NAA50: variants seen among roughly 807,000 people sequenced by gnomAD.
NAA50 encodes the protein N-alpha-acetyltransferase 50, NatE catalytic subunit.
A neutral mutation model predicts 20.7 loss-of-function variants in NAA50; 7 were observed. The observed-to-expected ratio is 0.34, with a 90% CI of 0.19 to 0.63. The LOEUF is 0.63. Ranked by LOEUF, NAA50 falls within the 30% of genes least tolerant of loss-of-function variation. The pLI is 0.75. For missense variants in NAA50, 111 were observed against 199.1 expected, an observed-to-expected ratio of 0.56 and a Z score of 2.66; for synonymous variants, 54 against 70.6, an observed-to-expected ratio of 0.77 and a Z score of 1.18.
At chr3:113,732,992 G>A (rs1708290107) in intron 1 of NAA50, among the ~76,000 whole-genome samples, 1 of 150,322 alleles carries the variant, frequency 6.7e-6, no homozygotes, top group Non-Finnish European at 1.5e-5. Flanking sequence ...ATGATGTTGA[G>A]TATGTTTTTG....
chr3:113,743,812 T>C (rs556957001), intron 1 of NAA50, among the ~76,000 whole-genome samples: 1 of 152,350 alleles, frequency 6.6e-6, no homozygotes, highest in East Asian at 1.9e-4. Context: ...GCCAGTTATT[T>C]CTAGGGATCT....
intron 4 of NAA50, among the ~76,000 whole-genome samples, chr3:113,722,662 C>A (rs557023595): frequency 3.2e-4 from 48 of 152,124 alleles, no homozygotes; most frequent in Non-Finnish European, 6.8e-4. Context: ...CTGATTTCAT[C>A]CCTGTGACTT....
chr3:113,741,661 C>T (rs1430006106), intron 1 of NAA50, among the ~76,000 whole-genome samples: 1 of 152,138 alleles, frequency 6.6e-6, no homozygotes, highest in Non-Finnish European at 1.5e-5. Flanking sequence ...TTATGATAAA[C>T]AGGGAATATA....
intron 1 of NAA50, among the ~76,000 whole-genome samples, chr3:113,731,817 A>G (rs200588748): frequency 2.0e-5 from 3 of 152,200 alleles, no homozygotes; most frequent in Non-Finnish European, 4.4e-5. Context: ...ATTGCTGAAT[A>G]GTATTCTATT....
rs114386263 is a variant in NAA50 at position 113,727,072 on chromosome 3, G to T, written c.9-2977C>A. On this transcript the variant is annotated intron_variant, in intron 1 of 4. Transcript: ENST00000240922. ...CTACCAAAGTGCTGGGCCTACAGGC[G>T]TGAGCCACTGTGCCTGGCCAAAATA... is the stretch of plus-strand genomic sequence containing the variant. Among the ~76,000 whole-genome samples the T allele has an allele frequency of 8.9e-3, 1,362 of 152,300 alleles. 18 individuals are homozygous for T. Among genetic ancestry groups the T allele is most frequent in the African/African-American group, 0.031 (1,289 of 41,556 alleles).
At chr3:113,740,144 G>A (rs545634569) in intron 1 of NAA50, among the ~76,000 whole-genome samples, 9 of 151,480 alleles carry the variant, frequency 5.9e-5, no homozygotes, top group Non-Finnish European at 7.4e-5. Context: ...ATTTACAAGG[G>A]GAAGAAATCA....
chr3:113,740,733 AT>A, intron 1 of NAA50: 1 of 161,142 alleles, frequency 6.2e-6, no homozygotes, highest in East Asian at 1.8e-4. Context: ...TACAAGGCAC[AT>A]TTTTTCTTTT....
rs767717469 is a variant in NAA50 at position 113,717,829 on chromosome 3, A to ATCT, written c.*3930_*3931insAGA. 6.6e-6 allele frequency: 1 copy of ATCT among 152,208 alleles called. No homozygotes were observed. Among genetic ancestry groups the ATCT allele is most frequent in the Non-Finnish European group, 1.5e-5 (1 of 68,050 alleles). The allele number at this position is 152,208 out of a possible 1,614,324, so 9.4% of individuals were successfully genotyped here. ...CAGTGCTTTATAACCCTCATTTAGA[A>ATCT]AACTACTCCTTTTAGAGACTAATAA... On this transcript the variant is annotated 3_prime_UTR_variant, in exon 5 of 5. Coordinates refer to ENST00000240922, the MANE Select transcript of NAA50 (RefSeq NM_025146.4).
chr3:113,725,093 T>C (rs1003142642), intron 1 of NAA50, among the ~76,000 whole-genome samples: 6 of 152,190 alleles, frequency 3.9e-5, no homozygotes, highest in African/African-American at 1.2e-4. Context: ...ATTGGGTCCA[T>C]GGAAAAGATT....
At chr3:113,737,379 C>G (rs1292827513) in intron 1 of NAA50, among the ~76,000 whole-genome samples, 2 of 152,160 alleles carry the variant, frequency 1.3e-5, no homozygotes, top group African/African-American at 4.8e-5. Context: ...AAGAGTGATT[C>G]CTCTGGAAAA....
At chr3:113,739,840 T>C (rs978273788) in intron 1 of NAA50, among the ~76,000 whole-genome samples, 5 of 152,214 alleles carry the variant, frequency 3.3e-5, no homozygotes, top group Non-Finnish European at 7.3e-5. Context: ...TTGGCTTTTT[T>C]ATGGGTTTAG....
Position 113,729,607 on chromosome 3 carries a change from A to T in NAA50, c.9-5512T>A, listed in dbSNP as rs542340306. Among the ~76,000 whole-genome samples, 16 of 151,564 alleles carry T rather than the reference A, an allele frequency of 1.1e-4. 2 individuals carry two copies. Among genetic ancestry groups the T allele is most frequent in the African/African-American group, 3.9e-4 (16 of 41,266 alleles). On this transcript the variant is annotated intron_variant, in intron 1 of 4. Transcript: ENST00000240922. ...TGCCCAGGCTAGAGTGCAGTAGCACAGTCTTGGCTTGCTGCAAGCTCCGCC... is the reference window on the plus strand; with the variant it reads ...TGCCCAGGCTAGAGTGCAGTAGCACTGTCTTGGCTTGCTGCAAGCTCCGCC...
intron 1 of NAA50, among the ~76,000 whole-genome samples, chr3:113,732,330 G>A (rs184422004): frequency 6.6e-6 from 1 of 152,336 alleles, no homozygotes; most frequent in African/African-American, 2.4e-5. Flanking sequence ...AATGCAGGTT[G>A]CCTATAGAAG....
At chr3:113,722,010 T>C (rs1317763071) in intron 4 of NAA50, 73 bp from the exon 5 acceptor site, 2 of 1,371,296 alleles carry the variant, frequency 1.5e-6, no homozygotes, top group East Asian at 2.4e-5. Context: ...TCTCCACAGA[T>C]AGCTCCAAAC....
chr3:113,730,234 A>G (rs891380646), intron 1 of NAA50, among the ~76,000 whole-genome samples: 3 of 151,588 alleles, frequency 2.0e-5, no homozygotes, highest in Admixed American at 2.0e-4. Flanking sequence ...CCAAGGGCAG[A>G]GGTTGCAGTG....
intron 1 of NAA50, among the ~76,000 whole-genome samples, 167 bp from the exon 2 acceptor site, chr3:113,724,262 A>G (rs1015795972): frequency 4.6e-5 from 7 of 152,204 alleles, no homozygotes; most frequent in African/African-American, 1.7e-4. Flanking sequence ...CAGTCATTCA[A>G]TACAAATTCT....
In NAA50 at chr3:113,746,164, G is replaced by C; in HGVS notation, c.-215C>G. 2 of 562,098 alleles carry C rather than the reference G, an allele frequency of 3.6e-6. No individual in the cohort carries two copies. The highest frequency in any genetic ancestry group is 6.1e-6 in the Non-Finnish European group (2 of 326,878). 34.8% of individuals were successfully genotyped at this position (562,098 alleles called of 1,614,324 possible). A position where few individuals can be genotyped will look rare whatever the true frequency, so the allele number is the denominator to read the frequency against. On this transcript the variant is annotated 5_prime_UTR_variant, in exon 1 of 5. Coordinates refer to ENST00000240922, the MANE Select transcript of NAA50 (RefSeq NM_025146.4). ...TGTCTCCCGCCGCCGCGCTTGTGCCGCCGCTTCTCCACACGTGCACTCGGG... is the reference window on the plus strand; with the variant it reads ...TGTCTCCCGCCGCCGCGCTTGTGCCCCCGCTTCTCCACACGTGCACTCGGG...
intron 3 of NAA50, among the ~76,000 whole-genome samples, 174 bp from the exon 4 acceptor site, chr3:113,723,146 T>A (rs1177298641): frequency 1.3e-5 from 2 of 152,196 alleles, no homozygotes; most frequent in East Asian, 3.8e-4. Context: ...TACGTATGTT[T>A]AAAACTGTTA....
chr3:113,740,974 C>A, intron 1 of NAA50: 1 of 513,638 alleles, frequency 1.9e-6, no homozygotes, highest in South Asian at 1.5e-5. Flanking sequence ...CCGATGTTAT[C>A]AAACTGAGAC....
Sources: allele counts gnomAD v4.1 joint callset (sites outside exome capture counted in the v4.1 genomes callset), GRCh38; gene constraint gnomAD v4.1.1; transcripts MANE v1.5; gene names NCBI Gene and HGNC (gene_info 2026-07-23, HGNC 2026-07-21).